SYT9: variants seen among roughly 807,000 people sequenced by gnomAD.
SYT9 encodes synaptotagmin 9.
In SYT9, 22 loss-of-function variants were observed where a neutral mutation model predicts 48.4. The observed-to-expected ratio is 0.45, with a 90% CI of 0.32 to 0.65. SYT9 has a LOEUF of 0.65. Among genes scored for constraint, SYT9 ranks in the 30% least tolerant of loss-of-function variants. The probability of loss-of-function intolerance (pLI) is 0.03; values close to 1 mark genes in which losing one functional copy is unlikely to be tolerated. For missense variants in SYT9, 577 were observed against 622.0 expected (o/e 0.93, Z 0.77); for synonymous variants, 265 against 245.0 (o/e 1.08, Z -0.76).
At chr11:7,449,259 G>T (rs1403836320) in intron 6 of SYT9, among the ~76,000 whole-genome samples, 1 of 139,948 alleles carries the variant, frequency 7.1e-6, no homozygotes, top group African/African-American at 2.8e-5. Flanking sequence ...CACGAGAATT[G>T]CTTGAACCCA....
At position 7,385,340 on chromosome 11, in the gene SYT9, C is replaced by CTGTG. The variant is rs66576884; in HGVS notation, c.1045-30675_1045-30672dup. Among the ~76,000 whole-genome samples the CTGTG allele has an allele frequency of 3.5e-3, 511 of 146,790 alleles. 1 individual carries two copies. The highest frequency in any genetic ancestry group is 0.01 in the African/African-American group (402 of 39,568). On this transcript the variant is annotated intron_variant, in intron 3 of 6. Transcript: ENST00000318881. ...ATGAACTATATTGTTTTTGTTTGCT[C>CTGTG]TGTGTGTGTGTGTGTGTGTGTGTGT... is the stretch of plus-strand genomic sequence containing the variant.
At chr11:7,293,363 A>C (rs1446540588) in intron 1 of SYT9, among the ~76,000 whole-genome samples, 1 of 152,170 alleles carries the variant, frequency 6.6e-6, no homozygotes, top group Non-Finnish European at 1.5e-5. Context: ...AAGGCAGCAG[A>C]GTGCTCTGTT....
At position 7,425,930 on chromosome 11, in the gene SYT9, A is replaced by G. The variant is rs1358652165; in HGVS notation, c.1467+5295A>G. Among the ~76,000 whole-genome samples, 4 of 152,204 alleles carry G rather than the reference A, an allele frequency of 2.6e-5. No individual in the cohort carries two copies. The South Asian group carries it at 8.3e-4, about 32-fold the overall frequency. On this transcript the variant is annotated intron_variant, in intron 6 of 6. Coordinates refer to ENST00000318881, the MANE Select transcript of SYT9 (RefSeq NM_175733.4). ...AACAAAATTTTTGTTATGAATGAAA[A>G]CAGAAAAAACAAGAAACATTTAAAT... is the stretch of plus-strand genomic sequence containing the variant.
At chr11:7,365,822 G>A (rs973439943) in intron 3 of SYT9, among the ~76,000 whole-genome samples, 7 of 152,116 alleles carry the variant, frequency 4.6e-5, no homozygotes, top group East Asian at 1.9e-4. Flanking sequence ...GGATCGGGTC[G>A]TATTTACTGT....
At chr11:7,332,068 C>T (rs7128269) in intron 3 of SYT9, among the ~76,000 whole-genome samples, 6 of 152,016 alleles carry the variant, frequency 3.9e-5, no homozygotes, top group Admixed American at 3.3e-4. Context: ...GAGGGATTCT[C>T]GTGCAAGTGA....
chr11:7,251,631 C>G (rs1847869151), upstream of SYT9, among the ~76,000 whole-genome samples: 1 of 152,194 alleles, frequency 6.6e-6, no homozygotes, highest in African/African-American at 2.4e-5. Flanking sequence ...TTTGGACACA[C>G]TCGGCGGTGG....
At chr11:7,443,648 A>G (rs771696703) in intron 6 of SYT9, among the ~76,000 whole-genome samples, 1 of 152,286 alleles carries the variant, frequency 6.6e-6, no homozygotes, top group Non-Finnish European at 1.5e-5. Context: ...TCTACCCACC[A>G]CCTCATCTCC....
intron 3 of SYT9, among the ~76,000 whole-genome samples, chr11:7,389,735 A>C (rs757980931): frequency 6.6e-6 from 1 of 152,210 alleles, no homozygotes; most frequent in African/African-American, 2.4e-5. Context: ...AAGCGAGATC[A>C]GTGAAAACAA....
At chr11:7,273,816 T>C (rs1848338499) in intron 1 of SYT9, among the ~76,000 whole-genome samples, 1 of 152,046 alleles carries the variant, frequency 6.6e-6, no homozygotes, top group Non-Finnish European at 1.5e-5. Context: ...AACCAAACAC[T>C]GCATGTTCTC....
chr11:7,333,110 A>G (rs1228513185), intron 3 of SYT9, among the ~76,000 whole-genome samples: 1 of 152,210 alleles, frequency 6.6e-6, no homozygotes, highest in East Asian at 1.9e-4. Context: ...GTCTAATTCT[A>G]ACAGATGGCT....
At chr11:7,332,681 T>C (rs1180331856) in intron 3 of SYT9, among the ~76,000 whole-genome samples, 1 of 152,254 alleles carries the variant, frequency 6.6e-6, no homozygotes, top group African/African-American at 2.4e-5. Context: ...CACAGCAGGC[T>C]GGATGCTCCT....
chr11:7,376,499 C>G (rs1287823465), intron 3 of SYT9, among the ~76,000 whole-genome samples: 3 of 151,968 alleles, frequency 2.0e-5, no homozygotes, highest in Non-Finnish European at 4.4e-5. Flanking sequence ...GAAAGAAGAG[C>G]AGATTCCTAC....
intron 1 of SYT9, among the ~76,000 whole-genome samples, chr11:7,293,277 A>C (rs1165316763): frequency 6.6e-6 from 1 of 152,196 alleles, no homozygotes; most frequent in Non-Finnish European, 1.5e-5. Flanking sequence ...CAGTCACAAA[A>C]AAAAATTGCA....
chr11:7,344,408 C>T (rs1477456974), intron 3 of SYT9, among the ~76,000 whole-genome samples: 2 of 152,154 alleles, frequency 1.3e-5, no homozygotes, highest in South Asian at 2.1e-4. Flanking sequence ...CTGCTCAAGT[C>T]CATTTACTCA....
chr11:7,278,438 C>T (rs1356260026), intron 1 of SYT9, among the ~76,000 whole-genome samples: 1 of 152,120 alleles, frequency 6.6e-6, no homozygotes. Flanking sequence ...AGTGAAGCTG[C>T]ACAGTGGTTT....
chr11:7,343,696 A>T (rs1327108715), intron 3 of SYT9, among the ~76,000 whole-genome samples: 4 of 152,148 alleles, frequency 2.6e-5, no homozygotes, highest in African/African-American at 9.7e-5. Context: ...TTCATGTATT[A>T]TTACAGCAGT....
At chr11:7,300,827 C>G (rs1564852837) in intron 1 of SYT9, among the ~76,000 whole-genome samples, 1 of 152,152 alleles carries the variant, frequency 6.6e-6, no homozygotes, top group Non-Finnish European at 1.5e-5. Flanking sequence ...ATTGTCTACT[C>G]TCCTGTGTGA....
At chr11:7,419,031 G>A (rs1034475854) in intron 5 of SYT9, among the ~76,000 whole-genome samples, 1 of 152,236 alleles carries the variant, frequency 6.6e-6, no homozygotes, top group Non-Finnish European at 1.5e-5. Context: ...ATGCCTGCGT[G>A]AAGCATGACA....
chr11:7,242,224 G>C (rs1351631043), intron 1 of SYT9, among the ~76,000 whole-genome samples: 1 of 152,192 alleles, frequency 6.6e-6, no homozygotes, highest in Non-Finnish European at 1.5e-5. Flanking sequence ...TGAAGGCATA[G>C]ATCTGACTGC....
Sources: allele counts gnomAD v4.1 joint callset (sites outside exome capture counted in the v4.1 genomes callset), GRCh38; gene constraint gnomAD v4.1.1; transcripts MANE v1.5; gene names NCBI Gene and HGNC (gene_info 2026-07-23, HGNC 2026-07-21).